The following MTUS2 variants were observed in gnomAD, a reference collection of about 807,000 sequenced individuals.
The protein encoded by MTUS2 is microtubule-associated tumor suppressor candidate 2.
A neutral mutation model predicts 114.1 loss-of-function variants in MTUS2; 40 were observed. The observed-to-expected ratio is 0.35, with a 90% CI of 0.27 to 0.46. The LOEUF (loss-of-function observed/expected upper bound fraction) is 0.46. Ranked by LOEUF, MTUS2 falls within the 20% of genes least tolerant of loss-of-function variation. The pLI, the probability that MTUS2 is intolerant of heterozygous loss-of-function variation, is 1.00. For synonymous variants in MTUS2, 688 were observed against 672.0 expected (o/e 1.02, Z -0.37); for missense variants, 1,679 against 1,705.4 (o/e 0.98, Z 0.27).
In MTUS2 at chr13:29,341,313, A is replaced by G. The variant is rs1946603128; in HGVS notation, c.2905+16602A>G. Among the ~76,000 whole-genome samples the G allele has an allele frequency of 3.3e-5, 5 of 151,870 alleles. No individual in the cohort carries two copies. In the South Asian group the frequency reaches 1.0e-3, roughly 32 times the overall value. On this transcript the variant is annotated intron_variant, in intron 7 of 15. Coordinates refer to ENST00000612955, the MANE Select transcript of MTUS2 (RefSeq NM_001033602.4). ...TTTCACAACATCCCCACCAACATCT[A>G]TTGTTTTTAGATTTTTTTGATTATG...
intron 4 of MTUS2, among the ~76,000 whole-genome samples, chr13:29,067,719 A>C (rs1435897264): frequency 6.6e-6 from 1 of 152,120 alleles, no homozygotes; most frequent in Middle Eastern, 3.2e-3. Context: ...GATTGGAAGG[A>C]ATGTGAAATA....
chr13:28,906,511 T>C lies in MTUS2; in HGVS notation c.-243+66661T>C, dbSNP rs564474841. Among the ~76,000 whole-genome samples, 33 of 151,734 alleles carry C rather than the reference T, an allele frequency of 2.2e-4. 1 individual carries two copies. The highest frequency in any genetic ancestry group is 7.8e-4 in the African/African-American group (32 of 41,154). On this transcript the variant is annotated intron_variant, in intron 2 of 15. Transcript: ENST00000612955. Reference sequence around the variant, plus strand: ...TTATTTCTGCCTTCATTTCGTTATGTACCCAGTAGTCATTCAGGAGCTGGT... The same window carrying C: ...TTATTTCTGCCTTCATTTCGTTATGCACCCAGTAGTCATTCAGGAGCTGGT...
At chr13:29,001,522 G>T (rs540672897) in intron 2 of MTUS2, among the ~76,000 whole-genome samples, 2 of 152,180 alleles carry the variant, frequency 1.3e-5, no homozygotes, top group Admixed American at 1.3e-4. Flanking sequence ...CAACTGAAAC[G>T]CAGGCAGATA....
chr13:29,342,906 A>G (rs1364122554), intron 7 of MTUS2, among the ~76,000 whole-genome samples: 2 of 152,036 alleles, frequency 1.3e-5, no homozygotes, highest in African/African-American at 4.8e-5. Context: ...TTCTGTGTCT[A>G]TTGAGATGAT....
At chr13:28,857,721 A>G (rs897047719) in intron 2 of MTUS2, among the ~76,000 whole-genome samples, 2 of 152,232 alleles carry the variant, frequency 1.3e-5, no homozygotes, top group African/African-American at 4.8e-5. Flanking sequence ...AGGGAATCAG[A>G]ATATAAACAA....
chr13:28,857,481 A>G (rs910857066), intron 2 of MTUS2, among the ~76,000 whole-genome samples: 1 of 152,224 alleles, frequency 6.6e-6, no homozygotes, highest in Non-Finnish European at 1.5e-5. Context: ...TGGGGTATCC[A>G]GGAAGAAAGA....
intron 2 of MTUS2, among the ~76,000 whole-genome samples, chr13:28,972,105 G>T (rs1401075692): frequency 2.0e-5 from 3 of 152,192 alleles, no homozygotes; most frequent in Admixed American, 2.0e-4. Flanking sequence ...AACAACTATT[G>T]AGGAGAAAGA....
chr13:29,240,103 CT>C (rs1285276782), intron 5 of MTUS2: 1 of 152,186 alleles, frequency 6.6e-6, no homozygotes, highest in Non-Finnish European at 1.5e-5. Context: ...GAGAAAACCT[CT>C]TCAGGTTTTG....
chr13:29,296,413 A>G (rs1380195141), intron 6 of MTUS2, among the ~76,000 whole-genome samples: 1 of 151,842 alleles, frequency 6.6e-6, no homozygotes. Context: ...GTCTTGCTAC[A>G]TTGTCCAGGC....
At chr13:29,239,577 AT>A (rs1482033992) in intron 5 of MTUS2, 1 of 152,212 alleles carries the variant, frequency 6.6e-6, no homozygotes, top group African/African-American at 2.4e-5. Flanking sequence ...GTTGGGTACT[AT>A]GAGAGTTATG....
intron 2 of MTUS2, among the ~76,000 whole-genome samples, chr13:28,898,995 C>T (rs1420860630): frequency 6.6e-6 from 1 of 152,100 alleles, no homozygotes; most frequent in African/African-American, 2.4e-5. Flanking sequence ...TTCCTCCCAC[C>T]TTTTTTCAGT....
chr13:28,904,470 A>G (rs1879855025), intron 2 of MTUS2, among the ~76,000 whole-genome samples: 1 of 152,194 alleles, frequency 6.6e-6, no homozygotes, highest in African/African-American at 2.4e-5. Context: ...CTTTCTACAT[A>G]TGGCTAGCCA....
Position 29,269,335 on chromosome 13 carries a change from G to A in MTUS2, c.2645-12369G>A, listed in dbSNP as rs1410634819. Among the ~76,000 whole-genome samples the A allele has an allele frequency of 8.5e-5, 13 of 152,246 alleles. 1 individual carries two copies. In the South Asian group the frequency reaches 2.5e-3, roughly 29 times the overall value. Reference sequence around the variant, plus strand: ...AAAGGCAACTGAGATTTGAGGGATTGAGAATGTAAATCAGGGACAGCTTTA... The same window carrying A: ...AAAGGCAACTGAGATTTGAGGGATTAAGAATGTAAATCAGGGACAGCTTTA... On this transcript the variant is annotated intron_variant, in intron 5 of 15. Transcript: ENST00000612955.
chr13:29,054,253 A>G (rs2138616298), intron 4 of MTUS2, among the ~76,000 whole-genome samples: 1 of 152,288 alleles, frequency 6.6e-6, no homozygotes, highest in South Asian at 2.1e-4. Context: ...TCATTTAAAA[A>G]ATCTGTTGTT....
At chr13:29,062,265 C>T (rs990655230) in intron 4 of MTUS2, among the ~76,000 whole-genome samples, 21 of 152,272 alleles carry the variant, frequency 1.4e-4, no homozygotes, top group African/African-American at 4.3e-4. Flanking sequence ...GGATTACAGG[C>T]ATGAGCCACC....
intron 5 of MTUS2, among the ~76,000 whole-genome samples, chr13:29,254,750 G>A (rs990831672): frequency 1.3e-5 from 2 of 152,158 alleles, no homozygotes; most frequent in Admixed American, 6.5e-5. Context: ...AAATAGAGGA[G>A]CACTTCACAG....
chr13:29,425,557 TA>T (rs1238099524), intron 8 of MTUS2, among the ~76,000 whole-genome samples: 5 of 151,968 alleles, frequency 3.3e-5, no homozygotes, highest in African/African-American at 9.7e-5. Flanking sequence ...AAAATAGAAG[TA>T]AAAAAGGATA....
rs1424534048 is a variant in MTUS2 at position 29,409,595 on chromosome 13, C to T, written c.3118-30388C>T. Among the ~76,000 whole-genome samples the T allele has an allele frequency of 2.0e-5, 3 of 152,280 alleles. No individual in the cohort carries two copies. The East Asian group carries it at 5.8e-4, about 29-fold the overall frequency. On this transcript the variant is annotated intron_variant, in intron 8 of 15. Transcript: ENST00000612955. The stretch of plus-strand genomic sequence containing the variant: ...TCTCCTATTGTTTCTGTTTCATTCC[C>T]ATCAACCCTCTGTAGTGGTGGGATT...
intron 5 of MTUS2, among the ~76,000 whole-genome samples, chr13:29,228,825 TAAAC>T (rs1347429683): frequency 6.6e-4 from 100 of 152,204 alleles, no homozygotes; most frequent in Non-Finnish European, 8.8e-5. Context: ...AAATTTTAGA[TAAAC>T]AAATTTTCTC....
Sources: gnomAD v4.1 joint callset for allele counts (sites outside exome capture counted in the v4.1 genomes callset) on GRCh38, gnomAD v4.1.1 for gene constraint, MANE v1.5 for transcripts, NCBI Gene and HGNC (gene_info 2026-07-23, HGNC 2026-07-21) for gene names.